The following SOX5 variants were observed in gnomAD, a reference collection of about 807,000 sequenced individuals.
SOX5 encodes the protein transcription factor SOX-5.
A neutral mutation model predicts 92.0 loss-of-function variants in SOX5; 9 were observed. The observed-to-expected ratio is 0.10, with a 90% CI of 0.06 to 0.17. The LOEUF is 0.17. Ranked by LOEUF, SOX5 falls within the 10% of genes least tolerant of loss-of-function variation. The pLI, the probability that SOX5 is intolerant of heterozygous loss-of-function variation, is 1.00. For synonymous variants in SOX5, 344 were observed against 336.3 expected (o/e 1.02, Z -0.25); for missense variants, 642 against 944.5 (o/e 0.68, Z 4.20).
intron 3 of SOX5, among the ~76,000 whole-genome samples, chr12:24,228,646 TTC>T (rs1161324159): frequency 1.3e-5 from 2 of 152,198 alleles, no homozygotes; most frequent in Non-Finnish European, 2.9e-5. Flanking sequence ...TGCAGAAATA[TTC>T]TGTGTGTGTG....
chr12:24,321,631 T>C (rs1394456932), intron 2 of SOX5, among the ~76,000 whole-genome samples: 1 of 152,192 alleles, frequency 6.6e-6, no homozygotes, highest in Non-Finnish European at 1.5e-5. Context: ...ACTCAACGTA[T>C]CTGAACAAAC....
At chr12:24,277,071 C>T (rs1423932540) in intron 3 of SOX5, 2 of 151,900 alleles carry the variant, frequency 1.3e-5, no homozygotes, top group East Asian at 3.8e-4. Context: ...ATATAAAAGA[C>T]TATGTACTAT....
At chr12:24,340,733 C>T (rs1026644504) in intron 2 of SOX5, among the ~76,000 whole-genome samples, 3 of 152,222 alleles carry the variant, frequency 2.0e-5, no homozygotes, top group African/African-American at 7.2e-5. Flanking sequence ...CACTGAAAAG[C>T]AGAGTCCTTT....
chr12:24,411,566 T>C (rs1009164305), intron 1 of SOX5, among the ~76,000 whole-genome samples: 4 of 152,198 alleles, frequency 2.6e-5, no homozygotes, highest in Non-Finnish European at 5.9e-5. Flanking sequence ...TATAGCATTG[T>C]GTGATGTTTC....
intron 4 of SOX5, among the ~76,000 whole-genome samples, chr12:23,999,132 A>G (rs1384525658): frequency 8.6e-6 from 1 of 116,290 alleles, no homozygotes; most frequent in Non-Finnish European, 1.8e-5. Flanking sequence ...AAGTAAATAA[A>G]AAAGACTCTG....
chr12:24,095,420 CTTATTTATTTATTTAT>C (rs146858914), intron 4 of SOX5, among the ~76,000 whole-genome samples: 14 of 140,262 alleles, frequency 1.0e-4, no homozygotes, highest in South Asian at 4.6e-4. Flanking sequence ...TGCCCTCTCC[CTTATTTATTTATTTAT>C]TTATTTATTT....
At chr12:24,553,059 GA>G (rs1953367927) in intron 1 of SOX5, among the ~76,000 whole-genome samples, 1 of 152,048 alleles carries the variant, frequency 6.6e-6, no homozygotes, top group Non-Finnish European at 1.5e-5. Flanking sequence ...ATAAAAACAA[GA>G]AAGAGATCAC....
chr12:23,647,721 A>C (rs915495283), intron 7 of SOX5, among the ~76,000 whole-genome samples: 2 of 152,066 alleles, frequency 1.3e-5, no homozygotes, highest in African/African-American at 4.8e-5. Context: ...CCAACACCAA[A>C]CTTTTCTTCT....
chr12:23,612,801 C>T (rs1422577623), intron 8 of SOX5, among the ~76,000 whole-genome samples: 2 of 152,040 alleles, frequency 1.3e-5, no homozygotes, highest in African/African-American at 4.8e-5. Flanking sequence ...AGAGGAGGAA[C>T]AGGGAATATC....
intron 10 of SOX5, among the ~76,000 whole-genome samples, chr12:23,573,488 G>C (rs1948679297): frequency 6.6e-6 from 1 of 152,046 alleles, no homozygotes; most frequent in Admixed American, 6.6e-5. Context: ...TCCTAGGCTA[G>C]TATGACATTA....
At chr12:24,319,112 T>A (rs1595532559) in intron 2 of SOX5, among the ~76,000 whole-genome samples, 1 of 152,202 alleles carries the variant, frequency 6.6e-6, no homozygotes, top group South Asian at 2.1e-4. Context: ...GCTGGGATCA[T>A]CCCTCTGCCT....
chr12:23,993,900 T>TATGTATGTATGTATGTATGC (rs1950792624), intron 4 of SOX5, among the ~76,000 whole-genome samples: 5 of 146,584 alleles, frequency 3.4e-5, no homozygotes, highest in Admixed American at 6.9e-5. Flanking sequence ...TGTATGTATG[T>TATGTATGTATGTATGTATGC]ATGTATGTAT....
intron 9 of SOX5, among the ~76,000 whole-genome samples, chr12:23,579,609 T>C (rs1213971765): frequency 1.3e-5 from 2 of 152,150 alleles, no homozygotes; most frequent in Admixed American, 6.6e-5. Context: ...AAAATGGACA[T>C]GGACAATTTA....
chr12:24,401,199 A>C (rs1471413101), intron 1 of SOX5, among the ~76,000 whole-genome samples: 3 of 151,902 alleles, frequency 2.0e-5, no homozygotes, highest in Non-Finnish European at 4.4e-5. Context: ...TATGAATACA[A>C]AAATTAGCCG....
At chr12:23,563,826 A>C (rs1946623763) in intron 10 of SOX5, among the ~76,000 whole-genome samples, 2 of 152,178 alleles carry the variant, frequency 1.3e-5, no homozygotes, top group Non-Finnish European at 2.9e-5. Context: ...ATGATTATTG[A>C]GTCTCTCCTA....
At chr12:24,045,691 A>G (rs1172749646) in intron 4 of SOX5, among the ~76,000 whole-genome samples, 1 of 152,168 alleles carries the variant, frequency 6.6e-6, no homozygotes, top group African/African-American at 2.4e-5. Flanking sequence ...CTATTTGTAA[A>G]TTTCAATGTG....
intron 1 of SOX5, among the ~76,000 whole-genome samples, chr12:23,897,391 A>G (rs561051895): frequency 6.6e-6 from 1 of 152,264 alleles, no homozygotes; most frequent in African/African-American, 2.4e-5. Context: ...AGAATCAGAC[A>G]AGTCGGAATG....
At chr12:24,432,852 T>TACAC (rs35695644) in intron 1 of SOX5, among the ~76,000 whole-genome samples, 3 of 150,652 alleles carry the variant, frequency 2.0e-5, no homozygotes, top group African/African-American at 4.9e-5. Context: ...AGGTGTAAAA[T>TACAC]ACACACACAC....
chr12:24,263,216 C>T (rs966667653), intron 3 of SOX5, among the ~76,000 whole-genome samples: 12 of 151,996 alleles, frequency 7.9e-5, no homozygotes, highest in African/African-American at 2.7e-4. Context: ...CAGAGCAAGA[C>T]TCCATCTTAA....
Sources: gnomAD v4.1 joint callset for allele counts (sites outside exome capture counted in the v4.1 genomes callset) on GRCh38, gnomAD v4.1.1 for gene constraint, MANE v1.5 for transcripts, NCBI Gene and HGNC (gene_info 2026-07-23, HGNC 2026-07-21) for gene names.